The following FMN2 variants were observed in gnomAD, a reference collection of about 807,000 sequenced individuals.
The protein encoded by FMN2 is formin-2.
Under a neutral mutation model 142.3 loss-of-function variants are expected in FMN2, and 51 were observed. That is an observed-to-expected ratio of 0.36 (90% CI 0.29 to 0.45). The LOEUF (loss-of-function observed/expected upper bound fraction) is 0.45, where lower values mean the gene tolerates loss of function less well. Among genes scored for constraint, FMN2 ranks in the 20% least tolerant of loss-of-function variants. FMN2 has a pLI of 1.00. For missense variants in FMN2, 1,936 were observed against 2,122.8 expected, an observed-to-expected ratio of 0.91 and a Z score of 1.73; for synonymous variants, 882 against 869.8, an observed-to-expected ratio of 1.01 and a Z score of -0.25.
At chr1:240,348,664 C>T (rs771093898) in intron 13 of FMN2, among the ~76,000 whole-genome samples, 3 of 151,994 alleles carry the variant, frequency 2.0e-5, no homozygotes, top group Non-Finnish European at 4.4e-5. Flanking sequence ...CTGAAGTTTA[C>T]ATCTTCATGA....
intron 4 of FMN2, among the ~76,000 whole-genome samples, chr1:240,195,093 C>T (rs1177920062): frequency 6.6e-6 from 1 of 152,034 alleles, no homozygotes; most frequent in Non-Finnish European, 1.5e-5. Flanking sequence ...ATAGGTGGTC[C>T]TCATTATTCT....
At chr1:240,173,686 A>G (rs956348934) in intron 2 of FMN2, among the ~76,000 whole-genome samples, 2 of 152,066 alleles carry the variant, frequency 1.3e-5, no homozygotes, top group Admixed American at 1.3e-4. Flanking sequence ...ACACGGAGGA[A>G]CCATGGAAGA....
intron 14 of FMN2, among the ~76,000 whole-genome samples, chr1:240,360,078 G>A (rs946292926): frequency 9.9e-5 from 15 of 152,106 alleles, no homozygotes; most frequent in African/African-American, 1.4e-4. Context: ...AAAGGACACC[G>A]ACTAGTATCA....
At chr1:240,186,350 C>A (rs1665450362) in intron 3 of FMN2, among the ~76,000 whole-genome samples, 1 of 152,140 alleles carries the variant, frequency 6.6e-6, no homozygotes, top group African/African-American at 2.4e-5. Flanking sequence ...TAAGCACCTA[C>A]TAAGTACCAG....
intron 7 of FMN2, among the ~76,000 whole-genome samples, chr1:240,261,378 G>A (rs1668623949): frequency 6.7e-6 from 1 of 149,184 alleles, no homozygotes; most frequent in South Asian, 2.1e-4. Flanking sequence ...CAGACATGCT[G>A]CTTCTCCAAG....
chr1:240,233,706 C>T (rs1667605960), intron 6 of FMN2, among the ~76,000 whole-genome samples: 1 of 151,926 alleles, frequency 6.6e-6, no homozygotes. Flanking sequence ...TTAGTAGGAC[C>T]TTACAAAGAA....
chr1:240,345,867 C>T (rs1025812438), intron 13 of FMN2, among the ~76,000 whole-genome samples: 1 of 151,970 alleles, frequency 6.6e-6, no homozygotes, highest in East Asian at 1.9e-4. Flanking sequence ...CACAGGTGAC[C>T]AGGTGAAATA....
At chr1:240,340,675 T>TA (rs1671715999) in intron 13 of FMN2, among the ~76,000 whole-genome samples, 1 of 152,218 alleles carries the variant, frequency 6.6e-6, no homozygotes, top group Non-Finnish European at 1.5e-5. Context: ...ATTTTGAAGA[T>TA]ATTTTTGTTT....
chr1:240,135,750 G>T (rs1410169547), intron 2 of FMN2, among the ~76,000 whole-genome samples: 5 of 151,156 alleles, frequency 3.3e-5, no homozygotes, highest in Non-Finnish European at 7.4e-5. Context: ...TGCGATCTCG[G>T]CTCACTGCAG....
chr1:240,319,663 A>G (rs1380986582), intron 8 of FMN2, among the ~76,000 whole-genome samples: 1 of 152,130 alleles, frequency 6.6e-6, no homozygotes. Flanking sequence ...TGGAAGTGAA[A>G]AAGACTGGGC....
At chr1:240,450,962 C>T (rs889826109) in intron 16 of FMN2, among the ~76,000 whole-genome samples, 3 of 152,168 alleles carry the variant, frequency 2.0e-5, no homozygotes, top group Non-Finnish European at 2.9e-5. Flanking sequence ...AACAGGACAA[C>T]AGAGGTATCC....
intron 2 of FMN2, among the ~76,000 whole-genome samples, chr1:240,148,865 A>G (rs926031850): frequency 2.6e-5 from 4 of 151,962 alleles, no homozygotes; most frequent in Non-Finnish European, 4.4e-5. Flanking sequence ...CCAGCTACTC[A>G]GGAGGCTGAG....
chr1:240,096,992 C>T (rs1011756889), intron 1 of FMN2, among the ~76,000 whole-genome samples: 1 of 152,102 alleles, frequency 6.6e-6, no homozygotes, highest in East Asian at 1.9e-4. Context: ...GTCTGAAATT[C>T]GGGAGGTTCC....
intron 8 of FMN2, among the ~76,000 whole-genome samples, chr1:240,310,804 T>G (rs1040623225): frequency 6.6e-6 from 1 of 152,204 alleles, no homozygotes; most frequent in African/African-American, 2.4e-5. Context: ...ATTACTCATT[T>G]TTTTAAGTGT....
Position 240,392,283 on chromosome 1 carries a change from G to A in FMN2, c.4859-228G>A, listed in dbSNP as rs578021976. On this transcript the variant is annotated intron_variant, in intron 14 of 17. Transcript: ENST00000319653. Reference sequence around the variant, plus strand: ...TTTCAGAATCTGAAATTTTTGATTAGATAATATATCTTGTCTGTGTCAATA... The same window carrying A: ...TTTCAGAATCTGAAATTTTTGATTAAATAATATATCTTGTCTGTGTCAATA... Among the ~76,000 whole-genome samples, 6 of 152,012 alleles carry A rather than the reference G, an allele frequency of 3.9e-5. No homozygotes were observed. The East Asian group carries it at 1.2e-3, about 29-fold the overall frequency.
At chr1:240,164,026 C>T (rs564969929) in intron 2 of FMN2, among the ~76,000 whole-genome samples, 8 of 152,176 alleles carry the variant, frequency 5.3e-5, no homozygotes, top group South Asian at 2.1e-4. Flanking sequence ...TACAGGGGTG[C>T]GTCACCACCC....
At chr1:240,102,519 T>C (rs1056507908) in intron 1 of FMN2, among the ~76,000 whole-genome samples, 4 of 152,168 alleles carry the variant, frequency 2.6e-5, no homozygotes, top group African/African-American at 9.7e-5. Flanking sequence ...TTGGAGAGGG[T>C]AAGTTATGTG....
chr1:240,371,898 C>T (rs903441279), intron 14 of FMN2, among the ~76,000 whole-genome samples: 2 of 152,258 alleles, frequency 1.3e-5, no homozygotes, highest in Admixed American at 1.3e-4. Flanking sequence ...CTCTGTTGTG[C>T]ATGAATAAAA....
chr1:240,341,589 G>A (rs1316058384), intron 13 of FMN2: 1 of 152,182 alleles, frequency 6.6e-6, no homozygotes, highest in Non-Finnish European at 1.5e-5. Context: ...AGCTATGACT[G>A]TGTTTGTGTT....
Sources: allele counts gnomAD v4.1 joint callset (sites outside exome capture counted in the v4.1 genomes callset), GRCh38; gene constraint gnomAD v4.1.1; transcripts MANE v1.5; gene names NCBI Gene and HGNC (gene_info 2026-07-23, HGNC 2026-07-21).